LMCD1: variants seen among roughly 807,000 people sequenced by gnomAD.
LMCD1 encodes the protein LIM and cysteine rich domains 1.
In LMCD1, 32 loss-of-function variants were observed where a neutral mutation model predicts 42.7. The ratio of observed to expected loss-of-function variants is 0.75; its 90% CI spans 0.57 to 1.01. LMCD1 has a LOEUF of 1.01. LMCD1 is among the 50% of genes least tolerant of loss of function. LMCD1 has a pLI of 0.00. For synonymous variants in LMCD1, 178 were observed against 184.9 expected (o/e 0.96, Z 0.30); for missense variants, 458 against 483.1 (o/e 0.95, Z 0.49).
At chr3:8,550,008 T>A (rs1159426487) in intron 4 of LMCD1, 1 of 1,511,810 alleles carries the variant, frequency 6.6e-7, no homozygotes, top group African/African-American at 1.4e-5. Flanking sequence ...ATGCAGAGGA[T>A]TATGTTTCAA....
intron 1 of LMCD1, among the ~76,000 whole-genome samples, chr3:8,514,222 A>C (rs982150454): frequency 6.6e-6 from 1 of 152,252 alleles, no homozygotes; most frequent in South Asian, 2.1e-4. Context: ...TTGAATAAGC[A>C]TGTCACAAAA....
chr3:8,522,466 G>C (rs1432257186), intron 1 of LMCD1, among the ~76,000 whole-genome samples: 1 of 152,198 alleles, frequency 6.6e-6, no homozygotes, highest in African/African-American at 2.4e-5. Context: ...GCCTGAACAC[G>C]GTGATTGGAA....
At position 8,569,502 on chromosome 3, in the gene LMCD1, C is replaced by T. The variant is rs1224012702; in HGVS notation, c.*1904C>T. 1 of 152,160 alleles carries T rather than the reference C, an allele frequency of 6.6e-6. No homozygotes were observed. Among genetic ancestry groups the T allele is most frequent in the African/African-American group, 2.4e-5 (1 of 41,436 alleles). The allele number at this position is 152,160 out of a possible 1,614,324, so 9.4% of individuals were successfully genotyped here. ...GGGGATGCGGGGTGCACAAAAAGAA[C>T]AGTGACCCCTACGCCCATAGATGTT... is the stretch of plus-strand genomic sequence containing the variant. On this transcript the variant is annotated 3_prime_UTR_variant, in exon 6 of 6. Transcript: ENST00000157600.
At chr3:8,546,588 T>C (rs67418861) in intron 3 of LMCD1, among the ~76,000 whole-genome samples, 17,198 of 152,228 alleles carry the variant, frequency 0.11, 1,146 homozygotes, top group South Asian at 0.22. Flanking sequence ...CTTGCTACTA[T>C]GGTAGAAGGG....
chr3:8,557,631 T>C (rs1298585994), intron 4 of LMCD1, among the ~76,000 whole-genome samples: 1 of 152,142 alleles, frequency 6.6e-6, no homozygotes, highest in African/African-American at 2.4e-5. Flanking sequence ...CCCTTGGCCA[T>C]TGTCCCGAGT....
In LMCD1 at chr3:8,548,754, G is replaced by A. The variant is rs767714444; in HGVS notation, c.574G>A (p.Glu192Lys). ...AGAATTTGTCAAGCAATATAAGAGC[G>A]AGGCCCTCGGCGTGGGAGAAGTGGC... ...MEEFVKQYKS[E>K]ALGVGEVALP... The change falls in exon 4 of 6, where the codon GAG becomes AAG. Residue 192 changes from glutamate to lysine, a missense_variant. Coordinates refer to ENST00000157600, the MANE Select transcript of LMCD1 (RefSeq NM_014583.4). The A allele has an allele frequency of 1.1e-5, 17 of 1,613,680 alleles. No homozygotes were observed. The highest frequency in any genetic ancestry group is 4.4e-5 in the South Asian group (4 of 91,038).
rs375585532 is a variant in LMCD1, at chr3:8,532,757, G to T, written c.63G>T (p.Gln21His). 3.0e-5 allele frequency: 48 copies of T among 1,613,368 alleles called. No individual in the cohort carries two copies. The African/African-American group carries it at 5.7e-4, about 19-fold the overall frequency. Reference protein sequence around the residue: ...GVKKMSLGQLQSARGVACLGC... With the variant: ...GVKKMSLGQLHSARGVACLGC... Reference sequence around the variant, plus strand: ...TCCAGATGTCCCTGGGCCAGCTGCAGTCAGCAAGAGGTGTGGCATGTTTGG... The same window carrying T: ...TCCAGATGTCCCTGGGCCAGCTGCATTCAGCAAGAGGTGTGGCATGTTTGG... Residue 21 changes from glutamine (Q) to histidine (H), a missense_variant, in exon 2 of 6, where the codon CAG (glutamine) becomes CAT (histidine). Gln to His is a conservative substitution (Grantham distance 24, BLOSUM62 0). Coordinates refer to ENST00000157600, the MANE Select transcript of LMCD1 (RefSeq NM_014583.4).
intron 2 of LMCD1, among the ~76,000 whole-genome samples, chr3:8,535,876 G>A (rs1694498591): frequency 6.6e-6 from 1 of 152,188 alleles, no homozygotes; most frequent in Non-Finnish European, 1.5e-5. Flanking sequence ...GAGCTATTCT[G>A]TGGAATGTAG....
chr3:8,537,631 T>G, intron 3 of LMCD1, 191 bp downstream of exon 3: 1 of 584,746 alleles, frequency 1.7e-6, no homozygotes, highest in Non-Finnish European at 2.8e-6. Flanking sequence ...GGCCTCGGTT[T>G]TCCTTATCCA....
At chr3:8,504,914 TG>T (rs1304761930) in intron 1 of LMCD1, among the ~76,000 whole-genome samples, 7 of 152,220 alleles carry the variant, frequency 4.6e-5, no homozygotes, top group African/African-American at 1.7e-4. Context: ...GCTTCAGATC[TG>T]GTTTAAGTCC....
At chr3:8,544,528 G>T (rs1040067348) in intron 3 of LMCD1, among the ~76,000 whole-genome samples, 1 of 152,114 alleles carries the variant, frequency 6.6e-6, no homozygotes, top group Non-Finnish European at 1.5e-5. Flanking sequence ...TCCCACAGGA[G>T]CTCAGGTCAC....
At chr3:8,504,366 A>G (rs1453645427) in intron 1 of LMCD1, among the ~76,000 whole-genome samples, 2 of 152,232 alleles carry the variant, frequency 1.3e-5, no homozygotes, top group Non-Finnish European at 2.9e-5. Flanking sequence ...CAGGATGCAT[A>G]ATCGCACTTA....
intron 1 of LMCD1, among the ~76,000 whole-genome samples, chr3:8,518,838 G>T (rs565611509): frequency 6.6e-6 from 1 of 152,134 alleles, no homozygotes; most frequent in Non-Finnish European, 1.5e-5. Context: ...AGGGGCTGGC[G>T]TAACCAGAGG....
chr3:8,568,167 C>T lies in LMCD1; in HGVS notation c.*569C>T, dbSNP rs941697640. On this transcript the variant is annotated 3_prime_UTR_variant, in exon 6 of 6. Transcript: ENST00000157600. Reference sequence around the variant, plus strand: ...TTACACCATGGCAGTGATTTTGCAACACCCAGTGCTGGCAGAAAATATAGT... The same window carrying T: ...TTACACCATGGCAGTGATTTTGCAATACCCAGTGCTGGCAGAAAATATAGT... The T allele has an allele frequency of 6.6e-6, 1 of 152,244 alleles. No homozygotes were observed. The highest frequency in any genetic ancestry group is 1.5e-5 in the Non-Finnish European group (1 of 68,052). The allele number at this position is 152,244 out of a possible 1,614,324, so 9.4% of individuals were successfully genotyped here. A position where few individuals can be genotyped will look rare whatever the true frequency, so the allele number is the denominator to read the frequency against.
intron 1 of LMCD1, among the ~76,000 whole-genome samples, chr3:8,511,363 C>T (rs560417456): frequency 1.1e-4 from 17 of 152,206 alleles, no homozygotes; most frequent in African/African-American, 3.9e-4. Context: ...ATGCCAGGGA[C>T]TGAGGTGGGA....
chr3:8,557,554 T>C (rs1331276431), intron 4 of LMCD1, among the ~76,000 whole-genome samples: 1 of 152,218 alleles, frequency 6.6e-6, no homozygotes, highest in Non-Finnish European at 1.5e-5. Context: ...AGCCTTCTCA[T>C]ATCTGCTGAT....
At chr3:8,506,700 C>G (rs1295757142) in intron 1 of LMCD1, among the ~76,000 whole-genome samples, 1 of 152,208 alleles carries the variant, frequency 6.6e-6, no homozygotes, top group Non-Finnish European at 1.5e-5. Flanking sequence ...TATCTCCCAA[C>G]CATTCATCCA....
chr3:8,563,844 T>A (rs1176537938), intron 4 of LMCD1, among the ~76,000 whole-genome samples: 1 of 152,302 alleles, frequency 6.6e-6, no homozygotes, highest in East Asian at 1.9e-4. Flanking sequence ...CCTTGAAGGA[T>A]GTGATAAGAG....
Position 8,573,266 on chromosome 3 carries a change from A to G in LMCD1, c.*5668A>G, listed in dbSNP as rs1166929002. The G allele has an allele frequency of 6.6e-6, 1 of 152,254 alleles. No homozygotes were observed. The highest frequency in any genetic ancestry group is 1.5e-5 in the Non-Finnish European group (1 of 68,052). The allele number at this position is 152,254 out of a possible 1,614,324, so 9.4% of individuals were successfully genotyped here. On this transcript the variant is annotated 3_prime_UTR_variant, in exon 6 of 6. Coordinates refer to ENST00000157600, the MANE Select transcript of LMCD1 (RefSeq NM_014583.4). ...CTAGTTTATTTGGATTTAAGTTGACAAATAAAAATTGCATATGTTTATGGT... is the reference window on the plus strand; with the variant it reads ...CTAGTTTATTTGGATTTAAGTTGACGAATAAAAATTGCATATGTTTATGGT...
Sources: allele counts gnomAD v4.1 joint callset (sites outside exome capture counted in the v4.1 genomes callset), GRCh38; gene constraint gnomAD v4.1.1; transcripts MANE v1.5; gene names NCBI Gene and HGNC (gene_info 2026-07-23, HGNC 2026-07-21).